Variants in GLI3 observed in about 807,000 individuals in gnomAD.
GLI3 encodes the protein transcription activator GLI3.
In GLI3, 20 loss-of-function variants were observed where a neutral mutation model predicts 100.8. The observed-to-expected ratio is 0.20, with a 90% CI of 0.14 to 0.29. The LOEUF (loss-of-function observed/expected upper bound fraction) is 0.29. Ranked by LOEUF, GLI3 falls within the 10% of genes least tolerant of loss-of-function variation. GLI3 has a pLI of 1.00. For synonymous variants in GLI3, 938 were observed against 860.5 expected, an observed-to-expected ratio of 1.09 and a Z score of -1.58; for missense variants, 2,040 against 2,128.5, an observed-to-expected ratio of 0.96 and a Z score of 0.82.
At chr7:42,005,748 A>C (rs150022895) in intron 10 of GLI3, among the ~76,000 whole-genome samples, 1 of 152,082 alleles carries the variant, frequency 6.6e-6, no homozygotes, top group Non-Finnish European at 1.5e-5. Flanking sequence ...TTATTTTACT[A>C]TCTCTCTAAC....
In GLI3 at chr7:41,972,958, T is replaced by TTGATGA. The variant is rs141327852; in HGVS notation, c.1813-337_1813-332dup. ...GCCATAATAGGCACTCAATAGATAT[T>TTGATGA]TGATGATGATGATGATGATGATGAC... On this transcript the variant is annotated intron_variant, in intron 12 of 14. Transcript: ENST00000395925. The surrounding 1 kb of genome is among the most constrained non-coding windows in gnomAD (Gnocchi z 4.4). Among the ~76,000 whole-genome samples the TTGATGA allele has an allele frequency of 5.3e-5, 8 of 151,912 alleles. No individual in the cohort carries two copies. Among genetic ancestry groups the TTGATGA allele is most frequent in the South Asian group, 2.1e-4 (1 of 4,786 alleles).
intron 10 of GLI3, among the ~76,000 whole-genome samples, chr7:41,989,978 C>T (rs1454266814): frequency 7.8e-6 from 1 of 127,810 alleles, no homozygotes; most frequent in Non-Finnish European, 1.6e-5. Context: ...CAGAGCAAGA[C>T]TCTGTCTCCA....
At position 42,142,258 on chromosome 7, in the gene GLI3, T is replaced by C. The variant is rs1786586489; in HGVS notation, c.367+5968A>G. On this transcript the variant is annotated intron_variant, in intron 3 of 14. Transcript: ENST00000395925. ...GTAACTGGTCCAGGAGAAACAACTA[T>C]ACAAGCAGGGCAACAAGGGCAGGGC... Among the ~76,000 whole-genome samples, 4 of 152,144 alleles carry C rather than the reference T, an allele frequency of 2.6e-5. No homozygotes were observed. In the South Asian group the frequency reaches 6.2e-4, roughly 24 times the overall value.
chr7:42,040,939 T>C (rs1458684535), intron 6 of GLI3, among the ~76,000 whole-genome samples: 1 of 151,950 alleles, frequency 6.6e-6, no homozygotes, highest in Non-Finnish European at 1.5e-5. Flanking sequence ...GAACACCCTA[T>C]AATGTTCAGG....
At chr7:42,180,896 A>T (rs1319895369) in intron 2 of GLI3, among the ~76,000 whole-genome samples, 1 of 152,210 alleles carries the variant, frequency 6.6e-6, no homozygotes, top group Non-Finnish European at 1.5e-5. Context: ...GCAAACCTGG[A>T]CCTGCACAGA....
intron 1 of GLI3, among the ~76,000 whole-genome samples, chr7:42,229,607 AAG>A (rs1321991315): frequency 6.6e-6 from 1 of 152,206 alleles, no homozygotes; most frequent in East Asian, 1.9e-4. Context: ...TGTAGCACTG[AAG>A]AGTGACATTG....
chr7:42,104,904 C>G (rs1785542382), intron 3 of GLI3, among the ~76,000 whole-genome samples: 2 of 152,302 alleles, frequency 1.3e-5, no homozygotes, highest in South Asian at 4.1e-4. Context: ...GCACCTTGAT[C>G]TGAGACTTCT....
rs1165113102 is a variant in GLI3, at chr7:42,148,344, G to C, written c.249C>G (p.Ala83=). ...EEPSTSSDER[A]SLIKKEIHGS... ...CATGGATCTCTTTCTTGATCAATGA[G>C]GCCCTCTCGTCACTCGATGTTGAAG... Residue 83 remains alanine, a synonymous_variant, in exon 3 of 15, where the codon GCC becomes GCG. Transcript: ENST00000395925. The C allele has an allele frequency of 1.2e-6, 2 of 1,613,858 alleles. No individual in the cohort carries two copies. Among genetic ancestry groups the C allele is most frequent in the African/African-American group, 2.7e-5 (2 of 74,906 alleles).
At chr7:42,200,202 G>T (rs1451071547) in intron 2 of GLI3, among the ~76,000 whole-genome samples, 1 of 152,210 alleles carries the variant, frequency 6.6e-6, no homozygotes, top group African/African-American at 2.4e-5. Context: ...TCAAACAGCT[G>T]TGAAACCTGG....
intron 1 of GLI3, among the ~76,000 whole-genome samples, chr7:42,236,311 T>C (rs1412140452): frequency 6.6e-6 from 1 of 152,156 alleles, no homozygotes; most frequent in African/African-American, 2.4e-5. Flanking sequence ...CACGGTTACT[T>C]TGTGTGTCTG....
intron 2 of GLI3, among the ~76,000 whole-genome samples, chr7:42,191,878 G>A (rs940812354): frequency 3.3e-5 from 5 of 152,054 alleles, no homozygotes; most frequent in Non-Finnish European, 7.4e-5. Context: ...GGTTCTGGCA[G>A]TGTGAATGCA....
chr7:42,201,438 C>T (rs1487558380), intron 2 of GLI3, among the ~76,000 whole-genome samples: 1 of 152,096 alleles, frequency 6.6e-6, no homozygotes, highest in East Asian at 1.9e-4. Flanking sequence ...TTCCAAGACC[C>T]AAAGCTAGTA....
At chr7:42,103,675 G>A (rs564030217) in intron 3 of GLI3, among the ~76,000 whole-genome samples, 64 of 152,092 alleles carry the variant, frequency 4.2e-4, no homozygotes, top group Non-Finnish European at 7.6e-4. Context: ...TTCCAGTGAC[G>A]TAGATATCTG....
At chr7:42,174,900 G>C in intron 2 of GLI3, among the ~76,000 whole-genome samples, 1 of 152,190 alleles carries the variant, frequency 6.6e-6, no homozygotes, top group Non-Finnish European at 1.5e-5. Flanking sequence ...CTTGCCGGGA[G>C]GATTAAGTGA....
chr7:41,961,515 T>A lies in GLI3; in HGVS notation c.*2815A>T, dbSNP rs568354334. The A allele has an allele frequency of 6.6e-6, 1 of 152,582 alleles. No homozygotes were observed. The highest frequency in any genetic ancestry group is 2.4e-5 in the African/African-American group (1 of 41,498). The allele number at this position is 152,582 out of a possible 1,614,324, so 9.5% of individuals were successfully genotyped here. On this transcript the variant is annotated 3_prime_UTR_variant, in exon 15 of 15. Coordinates refer to ENST00000395925, the MANE Select transcript of GLI3 (RefSeq NM_000168.6). ...TGGCTCAAGAGGAAGAGCCAATGTG[T>A]GAGGAGTTGGGAGGGGTTAACTTTT...
At chr7:42,126,959 C>T (rs1583580103) in intron 3 of GLI3, among the ~76,000 whole-genome samples, 1 of 152,120 alleles carries the variant, frequency 6.6e-6, no homozygotes, top group Non-Finnish European at 1.5e-5. Flanking sequence ...CAATGACGAG[C>T]GTCAGTCCAC....
chr7:41,967,617 C>G lies in GLI3; in HGVS notation c.2410G>C (p.Val804Leu). 6.2e-7 allele frequency: 1 copy of G among 1,613,356 alleles called. No homozygotes were observed. The highest frequency in any genetic ancestry group is 2.2e-5 in the East Asian group (1 of 44,868). The change falls in exon 14 of 15, where the codon GTC (valine) becomes CTC (leucine). Residue 804 changes from valine to leucine, a missense_variant. Physicochemically the swap from Val to Leu is conservative, Grantham distance 32. Transcript: ENST00000395925. Reference sequence around the variant, plus strand: ...TCACCATTTCCTATGAGAGGAGAGACCGCAGGGGCTTTAGGGGGTAGAATG... The same window carrying G: ...TCACCATTTCCTATGAGAGGAGAGAGCGCAGGGGCTTTAGGGGGTAGAATG... Reference protein sequence around the residue: ...NPILPPKAPAVSPLIGNGTQS... With the variant: ...NPILPPKAPALSPLIGNGTQS...
At chr7:42,076,410 A>C (rs1483277989) in intron 4 of GLI3, among the ~76,000 whole-genome samples, 1 of 152,330 alleles carries the variant, frequency 6.6e-6, no homozygotes, top group East Asian at 1.9e-4. Flanking sequence ...TTTGAACATA[A>C]CAAACTTCAA....
intron 1 of GLI3, among the ~76,000 whole-genome samples, chr7:42,250,171 T>G (rs1789016995): frequency 6.6e-6 from 1 of 152,194 alleles, no homozygotes; most frequent in Non-Finnish European, 1.5e-5. Context: ...ACTGTAGCAC[T>G]GAAGTATGTG....
Sources: allele counts gnomAD v4.1 joint callset (sites outside exome capture counted in the v4.1 genomes callset), GRCh38; gene constraint gnomAD v4.1.1; non-coding constraint Gnocchi (gnomAD v3.1); transcripts MANE v1.5; gene names NCBI Gene and HGNC (gene_info 2026-07-23, HGNC 2026-07-21).